Variants in CDC42BPB observed in about 807,000 individuals in gnomAD.
CDC42BPB encodes serine/threonine-protein kinase MRCK beta.
In CDC42BPB, 37 loss-of-function variants were observed where a neutral mutation model predicts 214.9. That is an observed-to-expected ratio of 0.17 (90% CI 0.13 to 0.23). CDC42BPB has a LOEUF of 0.23. Among genes scored for constraint, CDC42BPB ranks in the 10% least tolerant of loss-of-function variants. CDC42BPB has a pLI of 1.00. For synonymous variants in CDC42BPB, 931 were observed against 884.0 expected (o/e 1.05, Z -0.94); for missense variants, 1,694 against 2,227.0 (o/e 0.76, Z 4.82).
At chr14:102,976,197 G>A (rs1893735974) in intron 9 of CDC42BPB, 148 bp from the exon 10 acceptor site, 2 of 1,442,076 alleles carry the variant, frequency 1.4e-6, no homozygotes, top group Non-Finnish European at 1.8e-6. Context: ...TGGAACCAAA[G>A]TTAGACAAGT....
chr14:103,050,179 G>A (rs559141922), intron 1 of CDC42BPB, among the ~76,000 whole-genome samples: 3 of 152,346 alleles, frequency 2.0e-5, no homozygotes, highest in South Asian at 4.1e-4. Context: ...TGATCTGGCA[G>A]AGGTATTTAA....
intron 1 of CDC42BPB, among the ~76,000 whole-genome samples, chr14:103,017,516 CG>C (rs1466925456): frequency 2.0e-5 from 3 of 151,968 alleles, no homozygotes; most frequent in Non-Finnish European, 4.4e-5. Flanking sequence ...GCAATCAGAG[CG>C]GCCAGCATCA....
In CDC42BPB at chr14:102,976,009, A is replaced by G. The variant is rs747311960; in HGVS notation, c.1261T>C (p.Ser421Pro). 8 of 1,614,090 alleles carry G rather than the reference A, an allele frequency of 5.0e-6. No homozygotes were observed. The highest frequency in any genetic ancestry group is 6.8e-6 in the Non-Finnish European group (8 of 1,180,040). ...DRGSLKSIMQ[S>P]NTLTKDEDVQ... is the part of the protein sequence containing the mutation. ...TCCTCATCTTTGGTTAATGTGTTGGACTGCATTATGCTCTTCAGAGAGCCT... is the reference window on the plus strand; with the variant it reads ...TCCTCATCTTTGGTTAATGTGTTGGGCTGCATTATGCTCTTCAGAGAGCCT... Residue 421 changes from serine (S) to proline (P), a missense_variant, in exon 10 of 37, where the codon TCC (serine) becomes CCC (proline). Ser to Pro is a moderately conservative substitution (Grantham distance 74). Around this residue, in one of 7 missense-constraint regions of CDC42BPB, gnomAD observed 462 missense variants for 513.5 expected, o/e 0.90. Coordinates refer to ENST00000361246, the MANE Select transcript of CDC42BPB (RefSeq NM_006035.4).
At chr14:103,000,010 G>A (rs1945529158) in intron 4 of CDC42BPB, 1 of 572,876 alleles carries the variant, frequency 1.7e-6, no homozygotes, top group Non-Finnish European at 2.2e-6. Flanking sequence ...AAAAGCTAGT[G>A]ACCCAAAGCA....
At chr14:102,997,355 A>C (rs1176960444) in intron 5 of CDC42BPB, among the ~76,000 whole-genome samples, 1 of 152,214 alleles carries the variant, frequency 6.6e-6, no homozygotes, top group Non-Finnish European at 1.5e-5. Context: ...ACTGATTTCA[A>C]AAAACTCTCT....
At chr14:102,988,694 TTAAA>T (rs1330938033) in intron 5 of CDC42BPB, among the ~76,000 whole-genome samples, 1 of 152,090 alleles carries the variant, frequency 6.6e-6, no homozygotes, top group African/African-American at 2.4e-5. Context: ...AAAGATAGAC[TTAAA>T]TAAATTGGTG....
chr14:102,935,116 G>A (rs1891592704), intron 36 of CDC42BPB, among the ~76,000 whole-genome samples: 2 of 152,114 alleles, frequency 1.3e-5, no homozygotes, highest in Admixed American at 1.3e-4. Context: ...TCTAGGCAGA[G>A]CGATCAGGGA....
intron 1 of CDC42BPB, among the ~76,000 whole-genome samples, chr14:103,017,108 G>C (rs1886507497): frequency 6.6e-6 from 1 of 152,218 alleles, no homozygotes; most frequent in Admixed American, 6.5e-5. Flanking sequence ...GACTGCTTGA[G>C]CCCAGGAGTT....
chr14:103,046,697 A>G (rs1379295590), intron 1 of CDC42BPB, among the ~76,000 whole-genome samples: 5 of 152,128 alleles, frequency 3.3e-5, no homozygotes, highest in Admixed American at 3.3e-4. Context: ...TCTGTCACCC[A>G]GGCTGGTGTG....
intron 4 of CDC42BPB, among the ~76,000 whole-genome samples, chr14:103,000,791 G>A (rs1894942397): frequency 6.6e-6 from 1 of 152,204 alleles, no homozygotes; most frequent in Non-Finnish European, 1.5e-5. Context: ...TGAGACACAG[G>A]CCAGTGCTGT....
intron 36 of CDC42BPB, 89 bp downstream of exon 36, chr14:102,938,015 G>A: frequency 7.1e-7 from 1 of 1,408,796 alleles, no homozygotes; most frequent in Non-Finnish European, 1.0e-6. Flanking sequence ...AAAGGGCTGT[G>A]ACACCACCCA....
intron 4 of CDC42BPB, chr14:102,999,929 G>C: frequency 1.0e-6 from 1 of 984,270 alleles, no homozygotes; most frequent in Non-Finnish European, 1.2e-6. Flanking sequence ...GCAGAGAGTG[G>C]ACTTCAGTAA....
intron 1 of CDC42BPB, among the ~76,000 whole-genome samples, chr14:103,054,382 A>G (rs535574738): frequency 2.0e-5 from 3 of 152,332 alleles, no homozygotes; most frequent in African/African-American, 7.2e-5. Flanking sequence ...GAGGTTTCAA[A>G]TGTCATGGAG....
chr14:102,965,022 T>C (rs1893134506), intron 18 of CDC42BPB, among the ~76,000 whole-genome samples: 1 of 151,716 alleles, frequency 6.6e-6, no homozygotes, highest in Non-Finnish European at 1.5e-5. Flanking sequence ...GCCTCTTGGG[T>C]TCAAGCGATT....
chr14:103,046,500 C>T (rs1227026851), intron 1 of CDC42BPB, among the ~76,000 whole-genome samples: 1 of 152,084 alleles, frequency 6.6e-6, no homozygotes, highest in Non-Finnish European at 1.5e-5. Flanking sequence ...TGAAAAAGAA[C>T]GCACAGGAAA....
At chr14:103,041,630 G>C in intron 1 of CDC42BPB, 1 of 718,502 alleles carries the variant, frequency 1.4e-6, no homozygotes, top group Non-Finnish European at 2.4e-6. Flanking sequence ...GGACCCATCC[G>C]GCCCATCGTG....
Position 103,057,352 on chromosome 14 carries a change from G to C in CDC42BPB, c.-179C>G. On this transcript the variant is annotated 5_prime_UTR_variant, in exon 1 of 37. Transcript: ENST00000361246. ...CGACATCTTGGGCTCCGTCCCGACG[G>C]CGCAGAGTCTGGGGCGCCGGGCCCC... The C allele has an allele frequency of 3.9e-6, 4 of 1,017,510 alleles. No homozygotes were observed. The highest frequency in any genetic ancestry group is 4.7e-6 in the Non-Finnish European group (4 of 852,406). The allele number at this position is 1,017,510 out of a possible 1,614,324, so 63.0% of individuals were successfully genotyped here.
intron 1 of CDC42BPB, among the ~76,000 whole-genome samples, chr14:103,053,624 T>C (rs1206560445): frequency 3.3e-5 from 5 of 150,702 alleles, no homozygotes; most frequent in East Asian, 2.0e-4. Context: ...TAGCCAGGCG[T>C]GATGGCGGGC....
At chr14:103,047,952 G>A (rs887175728) in intron 1 of CDC42BPB, among the ~76,000 whole-genome samples, 1 of 147,674 alleles carries the variant, frequency 6.8e-6, no homozygotes, top group Non-Finnish European at 1.5e-5. Flanking sequence ...ATTCACCTCC[G>A]ATGAATTCTT....
Sources: allele counts gnomAD v4.1 joint callset (sites outside exome capture counted in the v4.1 genomes callset), GRCh38; gene constraint gnomAD v4.1.1; regional missense constraint gnomAD v4.1.1; transcripts MANE v1.5; gene names NCBI Gene and HGNC (gene_info 2026-07-23, HGNC 2026-07-21).